The following NFIB variants were observed in gnomAD, a reference collection of about 807,000 sequenced individuals.
NFIB encodes the protein nuclear factor I B, also known as nuclear factor 1 B-type.
A neutral mutation model predicts 61.5 loss-of-function variants in NFIB; 11 were observed. The ratio of observed to expected loss-of-function variants is 0.18; its 90% CI spans 0.11 to 0.30. NFIB has a LOEUF of 0.30. NFIB is among the 10% of genes least tolerant of loss of function. The pLI, the probability that NFIB is intolerant of heterozygous loss-of-function variation, is 1.00. For synonymous variants in NFIB, 260 were observed against 216.5 expected (o/e 1.20, Z -1.76); for missense variants, 471 against 608.9 (o/e 0.77, Z 2.38).
intron 2 of NFIB, among the ~76,000 whole-genome samples, chr9:14,213,974 A>T (rs2050579982): frequency 6.6e-6 from 1 of 151,810 alleles, no homozygotes; most frequent in African/African-American, 2.4e-5. Flanking sequence ...CCCTCATTTC[A>T]CCTCACATCA....
the NFIB span, among the ~76,000 whole-genome samples, chr9:14,441,318 T>C: frequency 6.6e-6 from 1 of 152,204 alleles, no homozygotes; most frequent in Non-Finnish European, 1.5e-5. Context: ...TTCTCCAAAC[T>C]GTTATTTAAA....
At chr9:14,219,381 T>TAAAAAGAAA (rs2051352206) in intron 2 of NFIB, among the ~76,000 whole-genome samples, 1 of 73,504 alleles carries the variant, frequency 1.4e-5, no homozygotes, top group Admixed American at 1.8e-4. Flanking sequence ...AGCACTAGGG[T>TAAAAAGAAA]AAAAAAAAAA....
the NFIB span, among the ~76,000 whole-genome samples, chr9:14,502,467 G>C: frequency 6.6e-6 from 1 of 152,170 alleles, no homozygotes; most frequent in Non-Finnish European, 1.5e-5. Context: ...AAATCTAATA[G>C]TGCATTGGAA....
chr9:14,160,192 A>T (rs1302572122), intron 3 of NFIB, among the ~76,000 whole-genome samples: 1 of 152,236 alleles, frequency 6.6e-6, no homozygotes, highest in Non-Finnish European at 1.5e-5. Flanking sequence ...ATATCAAATT[A>T]TATTATTTTA....
At chr9:14,531,476 C>G in the NFIB span, among the ~76,000 whole-genome samples, 1 of 152,060 alleles carries the variant, frequency 6.6e-6, no homozygotes, top group Non-Finnish European at 1.5e-5. Context: ...GGGGGACAGT[C>G]GCATACTGAT....
intron 2 of NFIB, among the ~76,000 whole-genome samples, chr9:14,285,480 G>C (rs1259340343): frequency 6.6e-6 from 1 of 152,122 alleles, no homozygotes; most frequent in South Asian, 2.1e-4. Flanking sequence ...AATATGTAGA[G>C]GTTATTTCAG....
At chr9:14,166,359 T>A (rs891122986) in intron 3 of NFIB, among the ~76,000 whole-genome samples, 1 of 152,204 alleles carries the variant, frequency 6.6e-6, no homozygotes, top group East Asian at 1.9e-4. Context: ...TCCATTGCCT[T>A]TGACTGTAGG....
intron 10 of NFIB, among the ~76,000 whole-genome samples, chr9:14,099,932 C>T (rs553195921): frequency 8.5e-5 from 13 of 152,120 alleles, no homozygotes; most frequent in African/African-American, 2.6e-4. Flanking sequence ...GTTAGCCGGG[C>T]GTGGCAGTGC....
intron 2 of NFIB, among the ~76,000 whole-genome samples, chr9:14,273,561 C>T (rs911565537): frequency 3.3e-5 from 5 of 152,150 alleles, no homozygotes; most frequent in African/African-American, 9.7e-5. Context: ...GTCAGGCACG[C>T]TACACAGAGG....
chr9:14,475,907 T>G, the NFIB span, among the ~76,000 whole-genome samples: 1 of 152,176 alleles, frequency 6.6e-6, no homozygotes, highest in African/African-American at 2.4e-5. Context: ...AGGAATTCAA[T>G]TTGGTAGATC....
At chr9:14,358,158 T>A (rs1564029217) in intron 1 of NFIB, among the ~76,000 whole-genome samples, 1 of 151,334 alleles carries the variant, frequency 6.6e-6, no homozygotes, top group East Asian at 1.9e-4. Context: ...GAATTAGACA[T>A]AAGTTTATTT....
intron 3 of NFIB, among the ~76,000 whole-genome samples, chr9:14,163,384 CTG>C (rs888201889): frequency 5.4e-4 from 82 of 151,988 alleles, no homozygotes; most frequent in African/African-American, 1.9e-3. Context: ...CAAAATCCAA[CTG>C]TTTTCAAGAA....
At chr9:14,519,629 C>T in the NFIB span, among the ~76,000 whole-genome samples, 1 of 152,140 alleles carries the variant, frequency 6.6e-6, no homozygotes, top group Non-Finnish European at 1.5e-5. Flanking sequence ...GTGCGTTGTG[C>T]TTATGCCCTA....
intron 6 of NFIB, among the ~76,000 whole-genome samples, chr9:14,140,738 A>G (rs2041600126): frequency 6.6e-6 from 1 of 151,326 alleles, no homozygotes; most frequent in African/African-American, 2.4e-5. Context: ...GTTCCAGAAC[A>G]GCATGGGTAA....
chr9:14,459,405 A>G, the NFIB span, among the ~76,000 whole-genome samples: 1 of 152,242 alleles, frequency 6.6e-6, no homozygotes, highest in Non-Finnish European at 1.5e-5. Flanking sequence ...ACCTAAAACC[A>G]TAAAAACCCT....
chr9:14,508,782 G>A, the NFIB span, among the ~76,000 whole-genome samples: 9 of 152,216 alleles, frequency 5.9e-5, no homozygotes, highest in African/African-American at 2.2e-4. Flanking sequence ...GCCTGTGCTA[G>A]TTCAAGCTGG....
At chr9:14,286,645 C>T (rs982350553) in intron 2 of NFIB, among the ~76,000 whole-genome samples, 1 of 152,092 alleles carries the variant, frequency 6.6e-6, no homozygotes, top group Admixed American at 6.5e-5. Context: ...AAAAGAACAA[C>T]AAAAATTGGG....
intron 6 of NFIB, among the ~76,000 whole-genome samples, chr9:14,143,651 T>C (rs1427565867): frequency 2.0e-5 from 3 of 152,170 alleles, no homozygotes; most frequent in South Asian, 4.1e-4. Flanking sequence ...TATCAATTAG[T>C]GCAGGGCTTT....
intron 2 of NFIB, among the ~76,000 whole-genome samples, chr9:14,228,731 C>T (rs1486512848): frequency 6.6e-6 from 1 of 152,194 alleles, no homozygotes; most frequent in Non-Finnish European, 1.5e-5. Flanking sequence ...AAGGATCTGA[C>T]TGTTTGGCTT....
Sources: allele counts gnomAD v4.1 joint callset (sites outside exome capture counted in the v4.1 genomes callset), GRCh38; gene constraint gnomAD v4.1.1; transcripts MANE v1.5; gene names NCBI Gene and HGNC (gene_info 2026-07-23, HGNC 2026-07-21).